Variants in LRRC7 observed in about 807,000 individuals in gnomAD.
LRRC7 encodes leucine-rich repeat-containing protein 7.
LRRC7 carries 23 observed loss-of-function variants against 175.7 expected under a neutral mutation model. The ratio of observed to expected loss-of-function variants is 0.13; its 90% CI spans 0.09 to 0.19. LRRC7 has a LOEUF of 0.19. Ranked by LOEUF, LRRC7 falls within the 10% of genes least tolerant of loss-of-function variation. The pLI, the probability that LRRC7 is intolerant of heterozygous loss-of-function variation, is 1.00. For synonymous variants in LRRC7, 685 were observed against 680.9 expected (o/e 1.01, Z -0.09); for missense variants, 1,354 against 1,904.7 (o/e 0.71, Z 5.38).
chr1:69,788,709 C>T (rs532636058), intron 3 of LRRC7, among the ~76,000 whole-genome samples: 6 of 152,130 alleles, frequency 3.9e-5, no homozygotes, highest in African/African-American at 1.4e-4. Context: ...CATTTTTTCA[C>T]ACCTTTCCTA....
At chr1:70,075,933 C>T (rs944640652) in intron 23 of LRRC7, 144 bp from the exon 24 acceptor site, 3 of 768,346 alleles carry the variant, frequency 3.9e-6, no homozygotes, top group Non-Finnish European at 6.4e-6. Context: ...CAGACCCTTA[C>T]TGTTTCTTCA....
chr1:69,688,929 A>G (rs1230085302), intron 2 of LRRC7, among the ~76,000 whole-genome samples: 1 of 152,196 alleles, frequency 6.6e-6, no homozygotes, highest in East Asian at 1.9e-4. Flanking sequence ...ATATTTGTCT[A>G]TACATACTCA....
rs1281528791 is a variant in LRRC7 at position 69,720,843 on chromosome 1, A to G, written c.101-39348A>G. Among the ~76,000 whole-genome samples the G allele has an allele frequency of 3.3e-5, 5 of 151,864 alleles. No homozygotes were observed. In the East Asian group the frequency reaches 9.7e-4, roughly 29 times the overall value. On this transcript the variant is annotated intron_variant, in intron 2 of 26. Transcript: ENST00000651989. The stretch of plus-strand genomic sequence containing the variant: ...TAAATATTTTTAAATATTTTTACTT[A>G]TGATAAAATACTCATAACATAAAAG...
intron 5 of LRRC7, among the ~76,000 whole-genome samples, chr1:69,832,268 T>C (rs1680614728): frequency 6.6e-6 from 1 of 152,116 alleles, no homozygotes; most frequent in South Asian, 2.1e-4. Flanking sequence ...TATTCCTACT[T>C]GTCATTAGTT....
chr1:69,808,596 G>C (rs145053712), intron 4 of LRRC7, among the ~76,000 whole-genome samples: 5,301 of 152,132 alleles, frequency 0.035, 285 homozygotes, highest in African/African-American at 0.11. Flanking sequence ...TTAGAACTTA[G>C]AATTAAGAAA....
At chr1:69,706,986 G>T (rs1477074446) in intron 2 of LRRC7, among the ~76,000 whole-genome samples, 4 of 152,120 alleles carry the variant, frequency 2.6e-5, no homozygotes, top group Non-Finnish European at 5.9e-5. Context: ...TACAAAAAAG[G>T]ATAAAATTAC....
chr1:69,622,190 A>T (rs1557499311), intron 1 of LRRC7, among the ~76,000 whole-genome samples: 1 of 152,186 alleles, frequency 6.6e-6, no homozygotes, highest in Non-Finnish European at 1.5e-5. Context: ...CTAATTATCC[A>T]CTAATAGGCA....
At chr1:69,868,311 G>T (rs1030177506) in intron 7 of LRRC7, among the ~76,000 whole-genome samples, 2 of 152,048 alleles carry the variant, frequency 1.3e-5, no homozygotes, top group African/African-American at 4.8e-5. Flanking sequence ...TCACATTAGG[G>T]TTAAGAGTTT....
At chr1:69,920,284 C>T (rs934390980) in intron 7 of LRRC7, 3 of 151,514 alleles carry the variant, frequency 2.0e-5, no homozygotes, top group African/African-American at 7.3e-5. Context: ...AACTTTGCAG[C>T]ACCCTTTCAC....
rs1401214262 is a variant in LRRC7 at position 69,887,094 on chromosome 1, T to A, written c.648-44413T>A. ...CTTTGGTGAATCTGACAATTATGTG[T>A]CTTGGAGTTGCTCTTCTCGAGGAGT... On this transcript the variant is annotated intron_variant, in intron 7 of 26. Transcript: ENST00000651989. 4.0e-4 allele frequency among the ~76,000 whole-genome samples: 56 copies of A among 140,168 alleles called. 1 individual carries two copies. The highest frequency in any genetic ancestry group is 1.5e-4 in the Admixed American group (2 of 13,668). The allele number at this position is 140,168 out of a possible 152,430, so 92.0% of individuals were successfully genotyped here. A position where few individuals can be genotyped will look rare whatever the true frequency, so the allele number is the denominator to read the frequency against.
intron 1 of LRRC7, among the ~76,000 whole-genome samples, chr1:69,660,157 T>G (rs1268488344): frequency 1.3e-5 from 2 of 152,064 alleles, no homozygotes; most frequent in Non-Finnish European, 2.9e-5. Flanking sequence ...GTTCTGCAAC[T>G]ATATTATCAG....
chr1:69,735,441 G>A (rs1055681456), intron 2 of LRRC7, among the ~76,000 whole-genome samples: 1 of 151,944 alleles, frequency 6.6e-6, no homozygotes, highest in Non-Finnish European at 1.5e-5. Flanking sequence ...ATCCATTTGG[G>A]CAAGACTACT....
intron 3 of LRRC7, among the ~76,000 whole-genome samples, chr1:69,781,947 GA>G (rs1673805304): frequency 1.8e-5 from 2 of 111,408 alleles, no homozygotes; most frequent in East Asian, 2.9e-4. Context: ...AAAGAGAAAA[GA>G]AAAGAAAGAA....
intron 4 of LRRC7, among the ~76,000 whole-genome samples, chr1:69,822,337 C>T (rs1411014075): frequency 3.3e-5 from 5 of 152,162 alleles, no homozygotes; most frequent in African/African-American, 1.2e-4. Context: ...ATGAAAGGAG[C>T]TAGCTACAGT....
chr1:69,711,846 A>T (rs1356465666), intron 2 of LRRC7, among the ~76,000 whole-genome samples: 8 of 152,192 alleles, frequency 5.3e-5, no homozygotes, highest in Non-Finnish European at 1.2e-4. Flanking sequence ...TCCACTTTTG[A>T]GTAGCATGTC....
intron 22 of LRRC7, among the ~76,000 whole-genome samples, chr1:70,047,952 A>G (rs186706493): frequency 1.3e-3 from 197 of 152,120 alleles, no homozygotes; most frequent in Non-Finnish European, 2.0e-3. Flanking sequence ...TAGAATTATT[A>G]GTATTTTCTA....
At chr1:69,986,052 C>G (rs542436867) in intron 9 of LRRC7, among the ~76,000 whole-genome samples, 190 bp from the exon 10 acceptor site, 4 of 152,284 alleles carry the variant, frequency 2.6e-5, no homozygotes, top group African/African-American at 7.2e-5. Flanking sequence ...AACAGTTCTT[C>G]AAAGTGGCTA....
intron 11 of LRRC7, among the ~76,000 whole-genome samples, chr1:70,011,079 A>G (rs999239331): frequency 6.6e-5 from 10 of 152,318 alleles, no homozygotes; most frequent in African/African-American, 2.4e-4. Context: ...TACTTATATA[A>G]TTTAACACTT....
chr1:69,973,086 A>AT (rs1195811761), intron 8 of LRRC7, among the ~76,000 whole-genome samples: 24 of 147,058 alleles, frequency 1.6e-4, no homozygotes, highest in Admixed American at 3.4e-4. Context: ...TATATATATA[A>AT]AAAAATACTA....
Sources: allele counts gnomAD v4.1 joint callset (sites outside exome capture counted in the v4.1 genomes callset), GRCh38; gene constraint gnomAD v4.1.1; transcripts MANE v1.5; gene names NCBI Gene and HGNC (gene_info 2026-07-23, HGNC 2026-07-21).